SYNE2: variants seen among roughly 807,000 people sequenced by gnomAD.
The protein encoded by SYNE2 is nesprin-2.
Under a neutral mutation model 856.3 loss-of-function variants are expected in SYNE2, and 431 were observed. The observed-to-expected ratio is 0.50, with a 90% confidence interval of 0.47 to 0.55. The LOEUF (loss-of-function observed/expected upper bound fraction) is 0.55. SYNE2 is among the 20% of genes least tolerant of loss of function. The pLI is 0.00. For missense variants in SYNE2, 8,129 were observed against 8,023.2 expected, an observed-to-expected ratio of 1.01 and a Z score of -0.50; for synonymous variants, 2,923 against 2,872.3, an observed-to-expected ratio of 1.02 and a Z score of -0.56.
At chr14:63,873,423 T>G (rs1025022677) in intron 1 of SYNE2, 1 of 151,804 alleles carries the variant, frequency 6.6e-6, no homozygotes, top group African/African-American at 2.4e-5. Flanking sequence ...TTAGATGGAG[T>G]CTAGCTCTGT....
chr14:63,837,839 A>G (rs1248184242), intron 1 of SYNE2, among the ~76,000 whole-genome samples: 1 of 141,652 alleles, frequency 7.1e-6, no homozygotes, highest in Non-Finnish European at 1.5e-5. Context: ...GGATTGCTTG[A>G]GCTCAGGAGG....
intron 45 of SYNE2, among the ~76,000 whole-genome samples, chr14:64,038,472 T>C (rs1183877103): frequency 2.0e-5 from 3 of 151,922 alleles, no homozygotes; most frequent in Admixed American, 6.6e-5. Context: ...TCTTGGCACT[T>C]TGGGAGGCCA....
intron 57 of SYNE2, among the ~76,000 whole-genome samples, chr14:64,085,897 T>C (rs1180429718): frequency 6.6e-6 from 1 of 152,256 alleles, no homozygotes; most frequent in African/African-American, 2.4e-5. Context: ...TGTAAAATAT[T>C]CTGAAAACCA....
chr14:64,107,722 A>G, intron 65 of SYNE2, 115 bp downstream of exon 65: 4 of 863,560 alleles, frequency 4.6e-6, no homozygotes, highest in Non-Finnish European at 6.0e-6. Context: ...TTCCTTGTGA[A>G]CTTTAACATA....
Position 64,159,228 on chromosome 14 carries a change from A to G in SYNE2, c.15964-84A>G, listed in dbSNP as rs1029153937. The G allele has an allele frequency of 5.3e-6, 8 of 1,504,730 alleles. No homozygotes were observed. In the Admixed American group the frequency reaches 8.4e-5, roughly 16 times the overall value. 93.2% of individuals were successfully genotyped at this position (1,504,730 alleles called of 1,614,324 possible). ...TAAGATTTGAGTGTTATTGCTACATAGTAGCAAGTGTTGAGAAGCTGCCAC... is the reference window on the plus strand; with the variant it reads ...TAAGATTTGAGTGTTATTGCTACATGGTAGCAAGTGTTGAGAAGCTGCCAC... On this transcript the variant is annotated intron_variant, in intron 86 of 115. Transcript: ENST00000555002.
intron 21 of SYNE2, among the ~76,000 whole-genome samples, 167 bp downstream of exon 21, chr14:63,991,282 C>G (rs991534034): frequency 1.3e-5 from 2 of 152,066 alleles, no homozygotes; most frequent in Non-Finnish European, 2.9e-5. Context: ...CGTAAGTATT[C>G]AAGTATAGAA....
At chr14:64,008,503 A>G (rs1343984791) in intron 31 of SYNE2, among the ~76,000 whole-genome samples, 4 of 152,176 alleles carry the variant, frequency 2.6e-5, no homozygotes, top group African/African-American at 7.2e-5. Flanking sequence ...ACCATTACCT[A>G]TCAGTCCCAG....
intron 33 of SYNE2, among the ~76,000 whole-genome samples, chr14:64,017,216 C>T (rs940534208): frequency 6.7e-6 from 1 of 149,324 alleles, no homozygotes; most frequent in African/African-American, 2.5e-5. Flanking sequence ...GTAATCTCAA[C>T]TACACGGGAG....
In SYNE2 at chr14:64,139,968, C is replaced by T; in HGVS notation, c.14871C>T (p.Thr4957=). 3 of 1,613,952 alleles carry T rather than the reference C, an allele frequency of 1.9e-6. No homozygotes were observed. Among genetic ancestry groups the T allele is most frequent in the Non-Finnish European group, 2.5e-6 (3 of 1,179,948 alleles). ...LSYNRDSDQL[T]KWLESSQHTL... ...ATAACAGAGATTCGGATCAGTTAAC[C>T]AAGTGGTTGGAATCTTCCCAGCATA... The change falls in exon 80 of 116, where the codon ACC becomes ACT. Residue 4957 remains threonine, a synonymous_variant. Transcript: ENST00000555002.
At chr14:64,107,430 G>T in intron 64 of SYNE2, 61 bp from the exon 65 acceptor site, 1 of 1,424,316 alleles carries the variant, frequency 7.0e-7, no homozygotes. Flanking sequence ...TGCGCAGAAA[G>T]AAGAATTCAT....
At chr14:64,007,252 C>G in intron 31 of SYNE2, 30 bp downstream of exon 31, 1 of 1,606,072 alleles carries the variant, frequency 6.2e-7, no homozygotes, top group Non-Finnish European at 8.5e-7. Flanking sequence ...CCTCTTGAAT[C>G]TGAAAAATTG....
At chr14:64,009,832 A>G (rs2096829735) in intron 31 of SYNE2, 134 bp from the exon 32 acceptor site, 1 of 746,622 alleles carries the variant, frequency 1.3e-6, no homozygotes, top group Admixed American at 2.7e-5. Flanking sequence ...TAAATTGGTA[A>G]AAAGTATTAA....
chr14:63,968,058 G>C (rs1389044705), intron 11 of SYNE2, among the ~76,000 whole-genome samples: 1 of 152,174 alleles, frequency 6.6e-6, no homozygotes. Context: ...AGCTACTCCA[G>C]AGGCTGAGGC....
chr14:64,052,268 G>T lies in SYNE2; in HGVS notation c.8355G>T (p.Leu2785Phe). 1 of 1,614,164 alleles carries T rather than the reference G, an allele frequency of 6.2e-7. No homozygotes were observed. Among genetic ancestry groups the T allele is most frequent in the Non-Finnish European group, 8.5e-7 (1 of 1,180,034 alleles). Residue 2785 changes from leucine (L) to phenylalanine (F), a missense_variant, in exon 48 of 116, where the codon TTG (leucine) becomes TTT (phenylalanine). By Grantham distance (22) the Leu-to-Phe change is conservative. Around this residue, in one of 3 missense-constraint regions of SYNE2, gnomAD observed 5,410 missense variants for 5,284.8 expected, o/e 1.02. Transcript: ENST00000555002. Reference protein sequence around the residue: ...ILARQQSVESLAEEVKDKVPS... With the variant: ...ILARQQSVESFAEEVKDKVPS... ...CTAGGCAGCAGTCTGTGGAATCGTT[G>T]GCTGAAGAGGTCAAAGATAAGGTTC...
chr14:64,072,568 C>A (rs2097420691), intron 52 of SYNE2, among the ~76,000 whole-genome samples: 1 of 151,774 alleles, frequency 6.6e-6, no homozygotes, highest in African/African-American at 2.4e-5. Context: ...AGCATGATCT[C>A]GGCTCACTGC....
chr14:63,843,197 A>G (rs376853855), intron 1 of SYNE2, among the ~76,000 whole-genome samples: 2 of 151,834 alleles, frequency 1.3e-5, no homozygotes, highest in Admixed American at 6.6e-5. Context: ...CCACCATACC[A>G]GGCTAATTTT....
chr14:64,103,641 C>A (rs937517795), intron 64 of SYNE2, among the ~76,000 whole-genome samples: 8 of 152,168 alleles, frequency 5.3e-5, no homozygotes, highest in Admixed American at 2.0e-4. Flanking sequence ...TCTGCCTATA[C>A]CTGCCTTGTC....
chr14:63,934,783 C>A (rs570835471), intron 2 of SYNE2, among the ~76,000 whole-genome samples: 1 of 152,160 alleles, frequency 6.6e-6, no homozygotes, highest in South Asian at 2.1e-4. Flanking sequence ...ACCTTATCAT[C>A]TAGATGGAAA....
intron 1 of SYNE2, among the ~76,000 whole-genome samples, chr14:63,829,217 A>T (rs926905205): frequency 2.0e-5 from 3 of 152,104 alleles, no homozygotes; most frequent in African/African-American, 7.2e-5. Context: ...GTTCAAGACT[A>T]GCCTGAGCAA....
Sources: gnomAD v4.1 joint callset for allele counts (sites outside exome capture counted in the v4.1 genomes callset) on GRCh38, gnomAD v4.1.1 for gene constraint, gnomAD v4.1.1 regional missense constraint, MANE v1.5 for transcripts, NCBI Gene and HGNC (gene_info 2026-07-23, HGNC 2026-07-21) for gene names.